The following CCSER1 variants were observed in gnomAD, a reference collection of about 807,000 sequenced individuals.
CCSER1 encodes the protein coiled-coil serine rich protein 1, also known as serine-rich coiled-coil domain-containing protein 1.
Under a neutral mutation model 82.0 loss-of-function variants are expected in CCSER1, and 41 were observed. That is an observed-to-expected ratio of 0.50 (90% CI 0.39 to 0.65). CCSER1 has a LOEUF of 0.65. Among genes scored for constraint, CCSER1 ranks in the 30% least tolerant of loss-of-function variants. The pLI, the probability that CCSER1 is intolerant of heterozygous loss-of-function variation, is 0.00. For missense variants in CCSER1, 1,119 were observed against 1,064.2 expected, an observed-to-expected ratio of 1.05 and a Z score of -0.72; for synonymous variants, 414 against 383.9, an observed-to-expected ratio of 1.08 and a Z score of -0.92.
intron 10 of CCSER1, among the ~76,000 whole-genome samples, chr4:91,551,200 TTATA>T (rs1374984360): frequency 6.6e-6 from 1 of 152,106 alleles, no homozygotes; most frequent in African/African-American, 2.4e-5. Context: ...TCAAATACCT[TTATA>T]TATGCAGATT....
At chr4:90,980,829 C>T (rs1335708879) in intron 9 of CCSER1, among the ~76,000 whole-genome samples, 1 of 151,728 alleles carries the variant, frequency 6.6e-6, no homozygotes, top group African/African-American at 2.4e-5. Context: ...GCAGATTTTG[C>T]CCCCAGGCTA....
At chr4:90,361,677 G>C (rs3930097) in intron 3 of CCSER1, among the ~76,000 whole-genome samples, 1 of 152,146 alleles carries the variant, frequency 6.6e-6, no homozygotes, top group East Asian at 1.9e-4. Flanking sequence ...GCAGTCCCCA[G>C]TGCCCATTGT....
chr4:90,876,844 G>A (rs746894910), intron 8 of CCSER1, among the ~76,000 whole-genome samples: 1 of 151,950 alleles, frequency 6.6e-6, no homozygotes, highest in Non-Finnish European at 1.5e-5. Context: ...CTTTATTGAT[G>A]TATCTATAAA....
rs1181503066 is a variant in CCSER1 at position 90,604,675 on chromosome 4, G to C, written c.1725-23350G>C. Among the ~76,000 whole-genome samples the C allele has an allele frequency of 3.3e-5, 5 of 152,156 alleles. No individual in the cohort carries two copies. In the East Asian group the frequency reaches 9.6e-4, roughly 29 times the overall value. ...GGAGAACTTTTATGTCTAGCTAAAG[G>C]TTTGTAAATGCACCAATCAGCACTT... On this transcript the variant is annotated intron_variant, in intron 5 of 10. Transcript: ENST00000509176.
intron 10 of CCSER1, among the ~76,000 whole-genome samples, chr4:91,553,978 GTTTAC>G (rs984942927): frequency 4.0e-5 from 6 of 149,902 alleles, no homozygotes; most frequent in Non-Finnish European, 6.0e-5. Flanking sequence ...ATAGCTTATT[GTTTAC>G]TTGAGATCTT....
chr4:91,529,122 T>C (rs989037861), intron 10 of CCSER1, among the ~76,000 whole-genome samples: 2 of 152,178 alleles, frequency 1.3e-5, no homozygotes. Context: ...GGCAGTGAAT[T>C]GTATTTAATG....
intron 10 of CCSER1, among the ~76,000 whole-genome samples, chr4:91,526,413 G>A (rs186793161): frequency 1.1e-4 from 16 of 152,164 alleles, no homozygotes; most frequent in African/African-American, 2.9e-4. Context: ...TATGCCTCCC[G>A]AAAACAAACT....
At position 90,537,521 on chromosome 4, in the gene CCSER1, TG is replaced by T. The variant is rs568651669; in HGVS notation, c.1724+69168del. On this transcript the variant is annotated intron_variant, in intron 5 of 10. Transcript: ENST00000509176. ...TTTTTCCACTTTTGTTTGTAAATTT[TG>T]AATTTCTGATTCGATAGTTTTTAAA... Among the ~76,000 whole-genome samples the T allele has an allele frequency of 6.7e-4, 102 of 152,324 alleles. 2 individuals carry two copies. In the East Asian group the frequency reaches 0.011, roughly 16 times the overall value.
intron 5 of CCSER1, among the ~76,000 whole-genome samples, chr4:90,518,423 T>G (rs9997520): frequency 0.051 from 7,719 of 152,134 alleles, 242 homozygotes; most frequent in African/African-American, 0.056. Context: ...TATTTTCTAC[T>G]AGGATATTAA....
At chr4:90,781,159 CA>C (rs1465917838) in intron 7 of CCSER1, 2 of 545,078 alleles carry the variant, frequency 3.7e-6, no homozygotes, top group Non-Finnish European at 4.7e-6. Context: ...CACCTCCCAC[CA>C]AGCCCCACCT....
At chr4:90,957,679 G>C (rs1045152602) in intron 9 of CCSER1, among the ~76,000 whole-genome samples, 1 of 105,298 alleles carries the variant, frequency 9.5e-6, no homozygotes, top group South Asian at 2.8e-4. Context: ...TAATTTCATG[G>C]TATATGTATA....
chr4:91,037,808 C>T (rs1426812402), intron 9 of CCSER1, among the ~76,000 whole-genome samples: 1 of 151,598 alleles, frequency 6.6e-6, no homozygotes, highest in Non-Finnish European at 1.5e-5. Context: ...TAAATAACTA[C>T]AGAATATCTA....
chr4:91,354,830 T>C (rs1193958077), intron 10 of CCSER1, among the ~76,000 whole-genome samples: 1 of 152,180 alleles, frequency 6.6e-6, no homozygotes, highest in Non-Finnish European at 1.5e-5. Flanking sequence ...CATGCTCGGC[T>C]AATTGCAAAA....
chr4:90,626,736 T>G (rs1054231538), intron 5 of CCSER1, among the ~76,000 whole-genome samples: 1 of 152,140 alleles, frequency 6.6e-6, no homozygotes, highest in Non-Finnish European at 1.5e-5. Flanking sequence ...ATCACCCCAC[T>G]GGGAAATGGA....
intron 6 of CCSER1, among the ~76,000 whole-genome samples, chr4:90,666,646 C>G (rs539919183): frequency 6.6e-6 from 1 of 152,138 alleles, no homozygotes; most frequent in African/African-American, 2.4e-5. Context: ...TGCCCTATCA[C>G]GTGCTGAAGA....
intron 9 of CCSER1, among the ~76,000 whole-genome samples, chr4:90,928,323 T>A (rs1729316462): frequency 6.6e-6 from 1 of 152,088 alleles, no homozygotes; most frequent in African/African-American, 2.4e-5. Context: ...TATTAACATG[T>A]AATGGAGTCA....
intron 10 of CCSER1, among the ~76,000 whole-genome samples, chr4:91,163,516 A>T (rs1416600253): frequency 6.6e-6 from 1 of 152,184 alleles, no homozygotes; most frequent in Admixed American, 6.5e-5. Context: ...GATCTGCCTA[A>T]TAGTGACAGT....
At chr4:90,897,762 T>C in intron 8 of CCSER1, among the ~76,000 whole-genome samples, 1 of 152,084 alleles carries the variant, frequency 6.6e-6, no homozygotes, top group East Asian at 1.9e-4. Flanking sequence ...AAGTATTCCC[T>C]TTTCTCCATA....
At chr4:90,197,918 G>A (rs1010513751) in intron 1 of CCSER1, among the ~76,000 whole-genome samples, 17 of 151,982 alleles carry the variant, frequency 1.1e-4, no homozygotes, top group African/African-American at 2.9e-4. Context: ...GAAAATAACT[G>A]TTTAAGAGTA....
Sources: allele counts gnomAD v4.1 joint callset (sites outside exome capture counted in the v4.1 genomes callset), GRCh38; gene constraint gnomAD v4.1.1; transcripts MANE v1.5; gene names NCBI Gene and HGNC (gene_info 2026-07-23, HGNC 2026-07-21).